SI: variants seen among roughly 807,000 people sequenced by gnomAD.
The protein encoded by SI is sucrase-isomaltase, also known as sucrase-isomaltase, intestinal.
Under a neutral mutation model 253.3 loss-of-function variants are expected in SI, and 235 were observed. That is an observed-to-expected ratio of 0.93 (90% CI 0.83 to 1.03). The LOEUF (loss-of-function observed/expected upper bound fraction) is 1.03, where lower values mean the gene tolerates loss of function less well. SI is among the 50% of genes least tolerant of loss of function. The pLI is 0.00. For missense variants in SI, 2,442 were observed against 2,211.1 expected (o/e 1.10, Z -2.09); for synonymous variants, 819 against 712.0 (o/e 1.15, Z -2.39).
At chr3:165,008,071 A>C in intron 35 of SI, 73 bp from the exon 36 acceptor site, 1 of 787,830 alleles carries the variant, frequency 1.3e-6, no homozygotes, top group Non-Finnish European at 2.2e-6. Context: ...GAGCTAGTTC[A>C]AAAAGTAAGT....
Position 165,030,864 on chromosome 3 carries a change from G to T in SI, c.2740C>A (p.Leu914Ile), listed in dbSNP as rs199706219. 634 of 933,040 alleles carry T rather than the reference G, an allele frequency of 6.8e-4. No homozygotes were observed. Among genetic ancestry groups the T allele is most frequent in the Non-Finnish European group, 9.0e-4 (618 of 689,076 alleles). 57.8% of individuals were successfully genotyped at this position (933,040 alleles called of 1,614,324 possible). A position where few individuals can be genotyped will look rare whatever the true frequency, so the allele number is the denominator to read the frequency against. Residue 914 changes from leucine to isoleucine, a missense_variant, in exon 25 of 48, where the codon CTC becomes ATC. Leu to Ile is a conservative substitution (Grantham distance 5). Transcript: ENST00000264382. The part of the protein sequence containing the change: ...NFTYDASNQV[L>I]LIADLKLNLG... Reference sequence around the variant, plus strand: ...TTAAGTTTGAGATCTGCAATTAGGAGAACCTTTGAAGACAAAAAAAAAAAA... The same window carrying T: ...TTAAGTTTGAGATCTGCAATTAGGATAACCTTTGAAGACAAAAAAAAAAAA...
intron 47 of SI, among the ~76,000 whole-genome samples, chr3:164,981,047 C>G (rs1037911077): frequency 8.6e-5 from 13 of 151,874 alleles, no homozygotes; most frequent in Non-Finnish European, 1.5e-5. Context: ...CATAAGACTA[C>G]TGGACTAGAT....
At chr3:164,982,120 G>A (rs1717216297) in intron 47 of SI, 123 bp downstream of exon 47, 6 of 704,880 alleles carry the variant, frequency 8.5e-6, no homozygotes, top group African/African-American at 1.8e-5. Flanking sequence ...TAATGAAAAG[G>A]AATATATGAA....
intron 15 of SI, among the ~76,000 whole-genome samples, chr3:165,048,569 A>ATATATATATATATACATATATATATATG (rs1713252252): frequency 1.8e-5 from 1 of 55,306 alleles, no homozygotes. Flanking sequence ...ATATATATGT[A>ATATATATATATATACATATATATATATG]TATATATATA....
In SI at chr3:165,068,832, C is replaced by A; in HGVS notation, c.374-1G>T. ...ATCCTGTTTAATTTGGCTTCAACTCCTTAAAGAATAAAAAAAAGCTGCCAT... is the reference window on the plus strand; with the variant it reads ...ATCCTGTTTAATTTGGCTTCAACTCATTAAAGAATAAAAAAAAGCTGCCAT... On this transcript the variant is annotated splice_acceptor_variant, in intron 4 of 47. Transcript: ENST00000264382. LOFTEE classifies it high-confidence loss of function. 1 of 1,548,152 alleles carries A rather than the reference C, an allele frequency of 6.5e-7. No homozygotes were observed. Among genetic ancestry groups the A allele is most frequent in the Admixed American group, 1.9e-5 (1 of 53,640 alleles).
intron 25 of SI, among the ~76,000 whole-genome samples, chr3:165,025,278 T>A (rs553464737): frequency 1.4e-4 from 21 of 151,232 alleles, no homozygotes; most frequent in African/African-American, 3.6e-4. Context: ...GTTTTTGAAT[T>A]AACTCAATCC....
At chr3:165,023,961 A>T (rs1359150625) in intron 25 of SI, among the ~76,000 whole-genome samples, 185 bp from the exon 26 acceptor site, 1 of 151,522 alleles carries the variant, frequency 6.6e-6, no homozygotes, top group Non-Finnish European at 1.5e-5. Flanking sequence ...CTAAAATTTT[A>T]TACAAAATAT....
chr3:165,032,863 T>A (rs945030660), intron 23 of SI, among the ~76,000 whole-genome samples, 171 bp from the exon 24 acceptor site: 1 of 151,492 alleles, frequency 6.6e-6, no homozygotes, highest in Non-Finnish European at 1.5e-5. Context: ...ATTTTCATTT[T>A]TATATATATG....
intron 17 of SI, among the ~76,000 whole-genome samples, 160 bp from the exon 18 acceptor site, chr3:165,041,254 A>G (rs1456817970): frequency 8.5e-5 from 13 of 152,128 alleles, no homozygotes; most frequent in Admixed American, 8.5e-4. Context: ...GTCTGAATGA[A>G]TATTTCTAGG....
rs66946322 is a variant in SI at position 165,065,464 on chromosome 3, A to AAT, written c.636-34_636-33dup. 543 of 209,570 alleles carry AAT rather than the reference A, an allele frequency of 2.6e-3. 32 individuals are homozygous for AAT. The highest frequency in any genetic ancestry group is 7.3e-3 in the African/African-American group (172 of 23,646). 13.0% of individuals were successfully genotyped at this position (209,570 alleles called of 1,614,324 possible). On this transcript the variant is annotated intron_variant, in intron 6 of 47. Transcript: ENST00000264382. ...CATAAAAGAAATAAAGAAATAATCT[A>AAT]ATATATATATATATATATATATATA...
chr3:165,022,542 C>CAA (rs1213590749), intron 26 of SI, among the ~76,000 whole-genome samples: 1 of 139,564 alleles, frequency 7.2e-6, no homozygotes, highest in Non-Finnish European at 1.5e-5. Flanking sequence ...ATCTCACACA[C>CAA]ACACACACAC....
Position 165,043,054 on chromosome 3 carries a change from C to G in SI, c.2004+5G>C. 6.5e-7 allele frequency: 1 copy of G among 1,538,834 alleles called. No homozygotes were observed. The highest frequency in any genetic ancestry group is 9.0e-7 in the Non-Finnish European group (1 of 1,111,814). On this transcript the variant is annotated splice_donor_5th_base_variant and intron_variant, in intron 17 of 47. Coordinates refer to ENST00000264382, the MANE Select transcript of SI (RefSeq NM_001041.4). The stretch of plus-strand genomic sequence containing the variant: ...TTCGCAACATGGAGAACAAGAGGCT[C>G]TTACTTCATATCCGTCAGAATTATG...
rs1220597349 is a variant in SI, at chr3:165,041,199, CTTGT to C, written c.2005-109_2005-106del. 8 of 971,278 alleles carry C rather than the reference CTTGT, an allele frequency of 8.2e-6. No homozygotes were observed. The East Asian group carries it at 1.5e-4, about 18-fold the overall frequency. The allele number at this position is 971,278 out of a possible 1,614,324, so 60.2% of individuals were successfully genotyped here. ...TTTAAAGCAACTACATAAATTTCAG[CTTGT>C]TTATGAGAAATTAAAATTATTCCTA... On this transcript the variant is annotated intron_variant, in intron 17 of 47. Transcript: ENST00000264382.
chr3:165,029,049 A>G (rs570909855), intron 25 of SI, among the ~76,000 whole-genome samples: 1 of 151,640 alleles, frequency 6.6e-6, no homozygotes, highest in South Asian at 2.1e-4. Context: ...AATATCCAGA[A>G]TCTACAACAA....
intron 12 of SI, 55 bp from the exon 13 acceptor site, chr3:165,055,362 G>T: frequency 1.0e-6 from 1 of 963,842 alleles, no homozygotes; most frequent in South Asian, 1.5e-5. Context: ...ATAAATAAAT[G>T]GAATTTCAAA....
upstream of SI, among the ~76,000 whole-genome samples, chr3:165,082,959 T>C (rs139063438): frequency 4.5e-3 from 681 of 152,022 alleles, 4 homozygotes; most frequent in African/African-American, 0.016. Context: ...TTGAATAATG[T>C]CCAGAAGTAA....
chr3:165,031,441 A>G (rs1252178176), intron 24 of SI, among the ~76,000 whole-genome samples: 5 of 149,082 alleles, frequency 3.4e-5, no homozygotes, highest in Non-Finnish European at 7.5e-5. Flanking sequence ...AACCAATAAA[A>G]TTATTTTTTA....
At chr3:165,078,184 C>A (rs1200958378) in intron 1 of SI, among the ~76,000 whole-genome samples, 1 of 150,994 alleles carries the variant, frequency 6.6e-6, no homozygotes, top group Non-Finnish European at 1.5e-5. Flanking sequence ...TGCTATGATT[C>A]CACCTAAGTC....
At position 164,994,408 on chromosome 3, in the gene SI, G is replaced by T. The variant is rs780352526; in HGVS notation, c.4693-3C>A. 6 of 1,609,954 alleles carry T rather than the reference G, an allele frequency of 3.7e-6. No homozygotes were observed. The South Asian group carries it at 6.6e-5, about 18-fold the overall frequency. On this transcript the variant is annotated splice_region_variant and splice_polypyrimidine_tract_variant and intron_variant, in intron 40 of 47. Coordinates refer to ENST00000264382, the MANE Select transcript of SI (RefSeq NM_001041.4). ...TTCCAGGAAGCGGGATCTTGTCTCT[G>T]AAACAAAGCAAAATAACATAGTTAT...
Sources: allele counts gnomAD v4.1 joint callset (sites outside exome capture counted in the v4.1 genomes callset), GRCh38; gene constraint gnomAD v4.1.1; transcripts MANE v1.5; gene names NCBI Gene and HGNC (gene_info 2026-07-23, HGNC 2026-07-21).